Variants in GABRG3 observed in about 807,000 individuals in gnomAD.
The protein encoded by GABRG3 is gamma-aminobutyric acid receptor subunit gamma-3.
A neutral mutation model predicts 48.8 loss-of-function variants in GABRG3; 25 were observed. That is an observed-to-expected ratio of 0.51 (90% CI 0.37 to 0.72). The LOEUF is 0.72. Among genes scored for constraint, GABRG3 ranks in the 30% least tolerant of loss-of-function variants. The pLI is 0.00. For synonymous variants in GABRG3, 227 were observed against 217.6 expected (o/e 1.04, Z -0.38); for missense variants, 394 against 577.9 (o/e 0.68, Z 3.26).
At chr15:27,524,904 A>G (rs1018978258) in intron 7 of GABRG3, among the ~76,000 whole-genome samples, 2 of 152,214 alleles carry the variant, frequency 1.3e-5, no homozygotes, top group African/African-American at 4.8e-5. Flanking sequence ...CGTACCAGTA[A>G]AAAAGCAGAA....
At chr15:27,193,027 A>G (rs1454331043) in intron 3 of GABRG3, among the ~76,000 whole-genome samples, 1 of 152,178 alleles carries the variant, frequency 6.6e-6, no homozygotes, top group African/African-American at 2.4e-5. Context: ...TCTGCAGAAC[A>G]GTGGTTTTTC....
chr15:27,086,807 T>A (rs954625239), intron 3 of GABRG3, among the ~76,000 whole-genome samples: 1 of 152,218 alleles, frequency 6.6e-6, no homozygotes, highest in African/African-American at 2.4e-5. Flanking sequence ...TTCTGGAGGC[T>A]CTCTCTGAGG....
chr15:27,393,223 A>G (rs1887196809), intron 5 of GABRG3, among the ~76,000 whole-genome samples: 1 of 152,010 alleles, frequency 6.6e-6, no homozygotes, highest in Non-Finnish European at 1.5e-5. Flanking sequence ...GGGTGCCTGT[A>G]GTCCCAGCTA....
At chr15:27,306,367 AT>A (rs1892447110) in intron 3 of GABRG3, among the ~76,000 whole-genome samples, 1 of 140,490 alleles carries the variant, frequency 7.1e-6, no homozygotes, top group Non-Finnish European at 1.5e-5. Context: ...ATAAACATAT[AT>A]ATAATATAAA....
chr15:27,503,802 C>A (rs1187311409), intron 6 of GABRG3, among the ~76,000 whole-genome samples: 2 of 152,168 alleles, frequency 1.3e-5, no homozygotes, highest in African/African-American at 4.8e-5. Context: ...GTAGATTCAT[C>A]TATTTCTCCT....
intron 5 of GABRG3, among the ~76,000 whole-genome samples, chr15:27,448,093 C>T (rs1888996251): frequency 6.6e-6 from 1 of 151,450 alleles, no homozygotes; most frequent in South Asian, 2.1e-4. Context: ...TATTAAGGTG[C>T]CATGTATTAA....
chr15:26,984,544 T>C (rs773191580), intron 2 of GABRG3, among the ~76,000 whole-genome samples: 2 of 152,190 alleles, frequency 1.3e-5, no homozygotes, highest in Non-Finnish European at 2.9e-5. Context: ...GATATATCTG[T>C]TTTAGTTCCC....
At chr15:27,014,338 T>C (rs1248970054) in intron 2 of GABRG3, among the ~76,000 whole-genome samples, 1 of 151,794 alleles carries the variant, frequency 6.6e-6, no homozygotes, top group Non-Finnish European at 1.5e-5. Flanking sequence ...TTCAGCTACA[T>C]TTCTTTATTT....
intron 3 of GABRG3, among the ~76,000 whole-genome samples, chr15:27,195,765 G>C (rs1888476024): frequency 1.3e-5 from 2 of 152,124 alleles, no homozygotes; most frequent in Admixed American, 6.5e-5. Context: ...CTCCTGTGTA[G>C]CTGGGATTAC....
At chr15:27,001,127 G>A (rs1459281211) in intron 2 of GABRG3, among the ~76,000 whole-genome samples, 1 of 152,224 alleles carries the variant, frequency 6.6e-6, no homozygotes, top group African/African-American at 2.4e-5. Context: ...GGATAATTTT[G>A]CATGTTTGCA....
chr15:27,459,519 T>C (rs1486557827), intron 5 of GABRG3, among the ~76,000 whole-genome samples: 1 of 152,238 alleles, frequency 6.6e-6, no homozygotes, highest in Non-Finnish European at 1.5e-5. Flanking sequence ...TGTGCTCATA[T>C]TAAGTGTTCT....
chr15:27,129,248 C>T (rs370483542), intron 3 of GABRG3, among the ~76,000 whole-genome samples: 50 of 152,264 alleles, frequency 3.3e-4, no homozygotes, highest in African/African-American at 1.2e-3. Flanking sequence ...CAACCACATT[C>T]TACTTTCTGT....
At chr15:27,250,616 G>A (rs1024509566) in intron 3 of GABRG3, among the ~76,000 whole-genome samples, 2 of 152,076 alleles carry the variant, frequency 1.3e-5, no homozygotes, top group African/African-American at 2.4e-5. Flanking sequence ...TAGTAGAGAC[G>A]GGGTTTCACC....
intron 3 of GABRG3, among the ~76,000 whole-genome samples, chr15:27,168,011 C>A (rs887127188): frequency 6.6e-6 from 1 of 152,156 alleles, no homozygotes; most frequent in African/African-American, 2.4e-5. Flanking sequence ...AAATCTCACT[C>A]TAACACCAGC....
chr15:27,262,795 C>A (rs1890804896), intron 3 of GABRG3, among the ~76,000 whole-genome samples: 1 of 152,278 alleles, frequency 6.6e-6, no homozygotes, highest in East Asian at 1.9e-4. Context: ...CTGCTTAGTG[C>A]CACTTTCCGC....
At chr15:27,342,007 T>C (rs1894197763) in intron 5 of GABRG3, among the ~76,000 whole-genome samples, 1 of 152,182 alleles carries the variant, frequency 6.6e-6, no homozygotes, top group South Asian at 2.1e-4. Flanking sequence ...GAGACAATGT[T>C]CCATTCTCCC....
chr15:27,010,820 A>G (rs1895671174), intron 2 of GABRG3, among the ~76,000 whole-genome samples: 1 of 152,104 alleles, frequency 6.6e-6, no homozygotes, highest in South Asian at 2.1e-4. Flanking sequence ...AGAGGCTTAA[A>G]TACTGAGGTT....
chr15:27,192,380 G>A (rs1353939678), intron 3 of GABRG3, among the ~76,000 whole-genome samples: 2 of 152,142 alleles, frequency 1.3e-5, no homozygotes, highest in Admixed American at 1.3e-4. Context: ...CGTAGATTTG[G>A]TCTTTTCACA....
chr15:27,234,409 T>G (rs1889893798), intron 3 of GABRG3, among the ~76,000 whole-genome samples: 1 of 152,304 alleles, frequency 6.6e-6, no homozygotes, highest in African/African-American at 2.4e-5. Context: ...GGCCTCCGTC[T>G]TCTCATCTGT....
Sources: allele counts gnomAD v4.1 joint callset (sites outside exome capture counted in the v4.1 genomes callset), GRCh38; gene constraint gnomAD v4.1.1; transcripts MANE v1.5; gene names NCBI Gene and HGNC (gene_info 2026-07-23, HGNC 2026-07-21).